ADAM22: variants seen among roughly 807,000 people sequenced by gnomAD.
The protein encoded by ADAM22 is ADAM metallopeptidase domain 22.
ADAM22 carries 65 observed loss-of-function variants against 144.6 expected under a neutral mutation model. The ratio of observed to expected loss-of-function variants is 0.45; its 90% CI spans 0.37 to 0.55. The LOEUF is 0.55. Ranked by LOEUF, ADAM22 falls within the 20% of genes least tolerant of loss-of-function variation. The pLI is 0.00. For synonymous variants in ADAM22, 391 were observed against 412.6 expected (o/e 0.95, Z 0.63); for missense variants, 974 against 1,184.9 (o/e 0.82, Z 2.61).
chr7:87,958,697 T>C (rs1413734794), intron 2 of ADAM22, among the ~76,000 whole-genome samples: 1 of 152,168 alleles, frequency 6.6e-6, no homozygotes, highest in Non-Finnish European at 1.5e-5. Flanking sequence ...TTTAAAGTTT[T>C]TAACAATATT....
intron 3 of ADAM22, among the ~76,000 whole-genome samples, chr7:88,014,839 A>C (rs960757930): frequency 6.6e-6 from 1 of 152,164 alleles, no homozygotes; most frequent in Admixed American, 6.5e-5. Flanking sequence ...GCTGATCCTC[A>C]GATTGGCTGC....
intron 2 of ADAM22, among the ~76,000 whole-genome samples, chr7:87,945,571 G>A (rs991173681): frequency 2.0e-5 from 3 of 148,408 alleles, no homozygotes; most frequent in Admixed American, 6.7e-5. Flanking sequence ...GGAGTGCAGT[G>A]GTGCCATCTC....
intron 3 of ADAM22, among the ~76,000 whole-genome samples, chr7:88,038,451 CTTT>C (rs11344988): frequency 1.4e-5 from 2 of 139,626 alleles, no homozygotes. Flanking sequence ...CTCTGCTATT[CTTT>C]TTTTTTTTTT....
intron 4 of ADAM22, among the ~76,000 whole-genome samples, chr7:88,076,800 C>T (rs1814650628): frequency 6.6e-6 from 1 of 152,162 alleles, no homozygotes; most frequent in Admixed American, 6.5e-5. Context: ...TGACTTTTGG[C>T]CAAGTGTTTA....
chr7:88,189,283 A>G (rs74537659), intron 30 of ADAM22, among the ~76,000 whole-genome samples: 1 of 152,188 alleles, frequency 6.6e-6, no homozygotes, highest in Non-Finnish European at 1.5e-5. Context: ...CTCAGAAGGT[A>G]GCCTTACTCT....
intron 21 of ADAM22, among the ~76,000 whole-genome samples, chr7:88,153,823 C>T (rs1049551709): frequency 2.6e-4 from 39 of 152,204 alleles, no homozygotes; most frequent in African/African-American, 8.4e-4. Flanking sequence ...TATTCACTTA[C>T]GTTCCTATTA....
chr7:88,122,748 T>C (rs941353921), intron 7 of ADAM22, among the ~76,000 whole-genome samples: 1 of 152,082 alleles, frequency 6.6e-6, no homozygotes, highest in Non-Finnish European at 1.5e-5. Flanking sequence ...AGAGGGAAAA[T>C]TCGAGAAACA....
intron 26 of ADAM22, among the ~76,000 whole-genome samples, chr7:88,176,866 G>A (rs1170629646): frequency 6.6e-6 from 1 of 152,152 alleles, no homozygotes; most frequent in Non-Finnish European, 1.5e-5. Context: ...CCAAGTTCAA[G>A]CACTTCTTGT....
chr7:88,115,517 T>C (rs985321913), intron 6 of ADAM22, among the ~76,000 whole-genome samples: 1 of 151,914 alleles, frequency 6.6e-6, no homozygotes, highest in Non-Finnish European at 1.5e-5. Context: ...TGTTCTCACA[T>C]GGCAGAGAGA....
rs1283940915 is a variant in ADAM22, at chr7:88,125,602, A to C, written c.621A>C (p.Val207=). ...ATTTCCTTTTAGAATTTCAGCAAGT[A>C]AACATTACTCCATCAAAATTTATTT... ...LDDLPSEFQQ[V]NITPSKFILK... Residue 207 remains valine (V), a synonymous_variant, in exon 8 of 32, where the codon GTA becomes GTC. Coordinates refer to ENST00000413139, the MANE Select transcript of ADAM22 (RefSeq NM_001324418.2). 1 of 1,594,466 alleles carries C rather than the reference A, an allele frequency of 6.3e-7. No individual in the cohort carries two copies. The highest frequency in any genetic ancestry group is 1.1e-5 in the South Asian group (1 of 88,006).
chr7:88,078,631 C>T (rs1404276278), intron 4 of ADAM22, among the ~76,000 whole-genome samples: 21 of 152,096 alleles, frequency 1.4e-4, no homozygotes, highest in Non-Finnish European at 2.6e-4. Context: ...ACTAGAATAA[C>T]CAATGCAGAG....
intron 2 of ADAM22, among the ~76,000 whole-genome samples, chr7:87,962,988 A>G (rs1048882159): frequency 2.0e-5 from 3 of 152,214 alleles, no homozygotes; most frequent in Non-Finnish European, 4.4e-5. Flanking sequence ...TTTAAAACAG[A>G]GGGAAAACTC....
intron 23 of ADAM22, among the ~76,000 whole-genome samples, chr7:88,164,052 T>C (rs1426856687): frequency 6.6e-6 from 1 of 152,108 alleles, no homozygotes; most frequent in African/African-American, 2.4e-5. Context: ...AAGTAACTAA[T>C]TGTTACTTCT....
intron 2 of ADAM22, among the ~76,000 whole-genome samples, chr7:87,960,042 C>G (rs1255274509): frequency 6.6e-6 from 1 of 152,052 alleles, no homozygotes; most frequent in African/African-American, 2.4e-5. Flanking sequence ...TCTTATTAAT[C>G]TGGGCCCAGC....
chr7:88,074,942 AATTT>A (rs1361088169), intron 3 of ADAM22, among the ~76,000 whole-genome samples: 1 of 152,164 alleles, frequency 6.6e-6, no homozygotes, highest in African/African-American at 2.4e-5. Context: ...CATTTTTTAA[AATTT>A]ATTAATGATA....
chr7:87,968,993 C>A (rs916537716), intron 2 of ADAM22, among the ~76,000 whole-genome samples: 15 of 152,082 alleles, frequency 9.9e-5, no homozygotes, highest in African/African-American at 3.6e-4. Flanking sequence ...ACCAGAGCTC[C>A]TGAGAACTCA....
rs113262957 is a variant in ADAM22 at position 88,004,456 on chromosome 7, T to C, written c.323+26044T>C. Among the ~76,000 whole-genome samples the C allele has an allele frequency of 5.5e-3, 837 of 152,316 alleles. 6 individuals are homozygous for C. Among genetic ancestry groups the C allele is most frequent in the African/African-American group, 0.019 (796 of 41,564 alleles). ...AATAATAGAACACTACATTATAAAC[T>C]AAGTTAAAGAAGTCTCACAAGGTTC... On this transcript the variant is annotated intron_variant, in intron 3 of 31. Transcript: ENST00000413139.
chr7:88,023,441 A>C (rs974661052), intron 3 of ADAM22, among the ~76,000 whole-genome samples: 2 of 152,144 alleles, frequency 1.3e-5, no homozygotes, highest in South Asian at 4.1e-4. Flanking sequence ...TTATTTAGAG[A>C]TGGAGTCTTG....
intron 3 of ADAM22, among the ~76,000 whole-genome samples, chr7:88,001,918 A>G (rs1320322944): frequency 6.6e-6 from 1 of 151,978 alleles, no homozygotes; most frequent in Non-Finnish European, 1.5e-5. Flanking sequence ...TCTGTAATTT[A>G]CTAGTTACAT....
Sources: allele counts gnomAD v4.1 joint callset (sites outside exome capture counted in the v4.1 genomes callset), GRCh38; gene constraint gnomAD v4.1.1; transcripts MANE v1.5; gene names NCBI Gene and HGNC (gene_info 2026-07-23, HGNC 2026-07-21).